VPS13D: variants seen among roughly 807,000 people sequenced by gnomAD.
VPS13D encodes vacuolar protein sorting 13 homolog D.
Under a neutral mutation model 461.9 loss-of-function variants are expected in VPS13D, and 187 were observed. The observed-to-expected ratio is 0.40, with a 90% CI of 0.36 to 0.46. The LOEUF (loss-of-function observed/expected upper bound fraction) is 0.46, where lower values mean the gene tolerates loss of function less well. VPS13D is among the 20% of genes least tolerant of loss of function. The probability of loss-of-function intolerance (pLI) is 0.60; values close to 1 mark genes in which losing one functional copy is unlikely to be tolerated. For missense variants in VPS13D, 4,711 were observed against 5,364.9 expected (o/e 0.88, Z 3.81); for synonymous variants, 1,951 against 1,986.3 (o/e 0.98, Z 0.47).
rs1641638287 is a variant in VPS13D, at chr1:12,277,141, A to G, written c.3553A>G (p.Asn1185Asp). The change falls in exon 19 of 70, where the codon AAT becomes GAT. Residue 1185 changes from asparagine (N) to aspartate (D), a missense_variant. Asn to Asp is a conservative substitution (Grantham distance 23, BLOSUM62 1). This residue lies in a region of VPS13D where 4,411 missense variants were observed against 4,937.8 expected (regional missense o/e 0.89). Transcript: ENST00000620676. ...GCTTCTTCGGACAGTGGGCATGGCAAATAGAGAGAAATATGGCAGAAAAAT... is the reference window on the plus strand; with the variant it reads ...GCTTCTTCGGACAGTGGGCATGGCAGATAGAGAGAAATATGGCAGAAAAAT... ...LLLLRTVGMA[N>D]REKYGRKIAT... The G allele has an allele frequency of 6.2e-7, 1 of 1,614,092 alleles. No homozygotes were observed. The highest frequency in any genetic ancestry group is 8.5e-7 in the Non-Finnish European group (1 of 1,180,044).
At chr1:12,498,815 G>T (rs1177651584) in intron 68 of VPS13D, among the ~76,000 whole-genome samples, 1 of 152,118 alleles carries the variant, frequency 6.6e-6, no homozygotes, top group Non-Finnish European at 1.5e-5. Flanking sequence ...GAGAGAGGGG[G>T]AGCTCTCTGG....
intron 65 of VPS13D, among the ~76,000 whole-genome samples, chr1:12,422,848 CTT>C (rs748419781): frequency 1.6e-4 from 21 of 130,464 alleles, no homozygotes; most frequent in African/African-American, 1.7e-4. Context: ...TTTTGAAGGT[CTT>C]TTTTTTTTTT....
chr1:12,255,681 A>C (rs1441586040), intron 7 of VPS13D, among the ~76,000 whole-genome samples: 2 of 152,044 alleles, frequency 1.3e-5, no homozygotes, highest in Non-Finnish European at 2.9e-5. Flanking sequence ...TCACAAGGTC[A>C]GGAGATCGAG....
chr1:12,477,323 C>G (rs1392601472), intron 67 of VPS13D, among the ~76,000 whole-genome samples: 4 of 152,148 alleles, frequency 2.6e-5, no homozygotes, highest in African/African-American at 9.7e-5. Context: ...TAGAAGAGTT[C>G]TAGTAATCAT....
chr1:12,365,968 A>G (rs769702640), intron 52 of VPS13D, among the ~76,000 whole-genome samples: 1 of 151,920 alleles, frequency 6.6e-6, no homozygotes, highest in Non-Finnish European at 1.5e-5. Context: ...CAGTGGTGCA[A>G]TCATAGTTCA....
At chr1:12,309,605 T>TA (rs1642674701) in intron 27 of VPS13D, among the ~76,000 whole-genome samples, 1 of 149,898 alleles carries the variant, frequency 6.7e-6, no homozygotes, top group Admixed American at 6.6e-5. Context: ...AAAAAAAAAA[T>TA]ACAAAAATTA....
chr1:12,400,630 C>T (rs1438315764), intron 61 of VPS13D, among the ~76,000 whole-genome samples: 1 of 151,998 alleles, frequency 6.6e-6, no homozygotes, highest in Admixed American at 6.6e-5. Flanking sequence ...AGGTCAGGAC[C>T]AGGCATGATC....
intron 65 of VPS13D, among the ~76,000 whole-genome samples, chr1:12,432,183 C>T (rs1483872855): frequency 7.9e-5 from 12 of 151,866 alleles, no homozygotes; most frequent in African/African-American, 1.9e-4. Flanking sequence ...AACCTGAGGT[C>T]GGGAGTTCGA....
chr1:12,315,686 G>A (rs1047650259), intron 30 of VPS13D, among the ~76,000 whole-genome samples: 6 of 152,162 alleles, frequency 3.9e-5, no homozygotes, highest in African/African-American at 1.4e-4. Flanking sequence ...AACAGTCTTT[G>A]GACCTATCAG....
Position 12,318,098 on chromosome 1 carries a change from C to T in VPS13D, c.7175C>T (p.Thr2392Ile). ...TCTACCAAGGATTCCTCCTGCTTTACAGTAGTTCTCAACAATCTCCGTGTG... is the reference window on the plus strand; with the variant it reads ...TCTACCAAGGATTCCTCCTGCTTTATAGTAGTTCTCAACAATCTCCGTGTG... ...FRSTKDSSCF[T>I]VVLNNLRVFL... The change falls in exon 31 of 70, where the codon ACA becomes ATA. Residue 2392 changes from threonine to isoleucine, a missense_variant. Coordinates refer to ENST00000620676, the MANE Select transcript of VPS13D (RefSeq NM_015378.4). The T allele has an allele frequency of 2.5e-6, 4 of 1,613,652 alleles. No homozygotes were observed. The highest frequency in any genetic ancestry group is 3.4e-6 in the Non-Finnish European group (4 of 1,179,652).
rs1300247534 is a variant in VPS13D, at chr1:12,509,271, A to G, written c.*247A>G. On this transcript the variant is annotated 3_prime_UTR_variant, in exon 70 of 70. Coordinates refer to ENST00000620676, the MANE Select transcript of VPS13D (RefSeq NM_015378.4). ...TATTGGTTAAATAACGTTTAAAAAC[A>G]TGTACTGAGATGAATCTAATTTTTA... The G allele has an allele frequency of 6.6e-6, 3 of 455,750 alleles. No individual in the cohort carries two copies. Among genetic ancestry groups the G allele is most frequent in the African/African-American group, 3.9e-5 (2 of 50,736 alleles). The allele number at this position is 455,750 out of a possible 1,614,324, so 28.2% of individuals were successfully genotyped here.
chr1:12,477,459 G>A (rs978020496), intron 67 of VPS13D, among the ~76,000 whole-genome samples: 4 of 152,144 alleles, frequency 2.6e-5, no homozygotes, highest in African/African-American at 9.7e-5. Context: ...TCACCTCCGC[G>A]ATGACCTGCC....
intron 60 of VPS13D, among the ~76,000 whole-genome samples, chr1:12,391,422 C>G (rs1257329209): frequency 6.6e-6 from 1 of 152,172 alleles, no homozygotes; most frequent in Non-Finnish European, 1.5e-5. Context: ...GGAGTGGAGA[C>G]CATAGGCATT....
intron 65 of VPS13D, among the ~76,000 whole-genome samples, chr1:12,431,467 G>T (rs1345695499): frequency 6.6e-6 from 1 of 150,464 alleles, no homozygotes; most frequent in Admixed American, 6.7e-5. Flanking sequence ...TAGTATGATT[G>T]TTGAGACTGG....
rs1240087484 is a variant in VPS13D, at chr1:12,253,700, TTC to T, written c.565-20_565-19del. Reference sequence around the variant, plus strand: ...GAATAAAGACAGTCATCCTATTTTCTTCTTTGTCTTTTTTACCTCAGGTACAG... The same window carrying T: ...GAATAAAGACAGTCATCCTATTTTCTTTTGTCTTTTTTACCTCAGGTACAG... On this transcript the variant is annotated intron_variant, in intron 6 of 69. Coordinates refer to ENST00000620676, the MANE Select transcript of VPS13D (RefSeq NM_015378.4). 3.2e-6 allele frequency: 5 copies of T among 1,561,154 alleles called. No homozygotes were observed. The highest frequency in any genetic ancestry group is 4.4e-6 in the Non-Finnish European group (5 of 1,132,222).
At chr1:12,249,469 G>A in intron 6 of VPS13D, 130 bp downstream of exon 6, 1 of 600,084 alleles carries the variant, frequency 1.7e-6, no homozygotes, top group Non-Finnish European at 2.8e-6. Flanking sequence ...ATAGGCATGG[G>A]TGTCTCTTGT....
chr1:12,402,760 T>A (rs2101685553), intron 62 of VPS13D: 1 of 152,380 alleles, frequency 6.6e-6, no homozygotes, highest in East Asian at 1.9e-4. Context: ...TGATTCGACA[T>A]GCTTTTCTTG....
Position 12,507,400 on chromosome 1 carries a change from C to T in VPS13D, c.13035+307C>T, listed in dbSNP as rs1184064146. On this transcript the variant is annotated intron_variant, in intron 69 of 69. Coordinates refer to ENST00000620676, the MANE Select transcript of VPS13D (RefSeq NM_015378.4). This position sits in a 1 kb window ranked among gnomAD's most constrained non-coding sequence, Gnocchi z 5.3. Reference sequence around the variant, plus strand: ...CTCGTTGGTGATAAGGAACAGCTAACACAACACACAGGGTTTTTCTGCTCC... The same window carrying T: ...CTCGTTGGTGATAAGGAACAGCTAATACAACACACAGGGTTTTTCTGCTCC... 1.7e-6 allele frequency: 1 copy of T among 589,338 alleles called. No homozygotes were observed. The highest frequency in any genetic ancestry group is 1.4e-5 in the South Asian group (1 of 70,256). The allele number at this position is 589,338 out of a possible 1,614,324, so 36.5% of individuals were successfully genotyped here.
In VPS13D at chr1:12,467,221, G is replaced by A. The variant is rs1355220401; in HGVS notation, c.12662+6825G>A. Among the ~76,000 whole-genome samples, 3 of 152,128 alleles carry A rather than the reference G, an allele frequency of 2.0e-5. No individual in the cohort carries two copies. The South Asian group carries it at 6.2e-4, about 32-fold the overall frequency. On this transcript the variant is annotated intron_variant, in intron 67 of 69. Coordinates refer to ENST00000620676, the MANE Select transcript of VPS13D (RefSeq NM_015378.4). The stretch of plus-strand genomic sequence containing the variant: ...GAGTCTTGCTCTGTCGCCCAGGCTG[G>A]AATGCAGTGGCACAACCTCGGCTCA...
Sources: gnomAD v4.1 joint callset for allele counts (sites outside exome capture counted in the v4.1 genomes callset) on GRCh38, gnomAD v4.1.1 for gene constraint, gnomAD v4.1.1 regional missense constraint, Gnocchi (gnomAD v3.1) non-coding constraint, MANE v1.5 for transcripts, NCBI Gene and HGNC (gene_info 2026-07-23, HGNC 2026-07-21) for gene names.